ENTREP2: variants seen among roughly 807,000 people sequenced by gnomAD.
ENTREP2 encodes protein ENTREP2.
chr15:29,402,132 T>A, the ENTREP2 span, among the ~76,000 whole-genome samples: 4 of 152,138 alleles, frequency 2.6e-5, no homozygotes, highest in Non-Finnish European at 5.9e-5. Flanking sequence ...GAATTCCCAG[T>A]ATTAACCAAA....
At chr15:29,476,874 T>C in the ENTREP2 span, among the ~76,000 whole-genome samples, 1 of 152,136 alleles carries the variant, frequency 6.6e-6, no homozygotes, top group Non-Finnish European at 1.5e-5. Flanking sequence ...ACGACAACAG[T>C]TGAACACAGG....
chr15:29,124,620 A>T, the ENTREP2 span: 2 of 1,340,698 alleles, frequency 1.5e-6, no homozygotes, highest in South Asian at 2.5e-5. Context: ...GTAGCCAAGG[A>T]CCCACCAACA....
chr15:29,596,114 G>T, the ENTREP2 span, among the ~76,000 whole-genome samples: 1 of 152,162 alleles, frequency 6.6e-6, no homozygotes, highest in South Asian at 2.1e-4. Flanking sequence ...GGCCTGCTCA[G>T]TTGGCAGAAG....
the ENTREP2 span, among the ~76,000 whole-genome samples, chr15:29,518,794 C>T: frequency 6.6e-6 from 1 of 152,194 alleles, no homozygotes; most frequent in Admixed American, 6.5e-5. Context: ...TTCAGAAATT[C>T]TCCCAGAATG....
chr15:29,364,746 T>A, the ENTREP2 span, among the ~76,000 whole-genome samples: 1 of 152,158 alleles, frequency 6.6e-6, no homozygotes, highest in Non-Finnish European at 1.5e-5. Flanking sequence ...TAATTTAAAA[T>A]TTTTTTAGTT....
At chr15:29,511,727 T>C in the ENTREP2 span, among the ~76,000 whole-genome samples, 1 of 150,852 alleles carries the variant, frequency 6.6e-6, no homozygotes, top group East Asian at 1.9e-4. Context: ...TTCTGCACCA[T>C]TGGTTTCTGG....
chr15:29,509,290 C>T, the ENTREP2 span, among the ~76,000 whole-genome samples: 1,022 of 152,206 alleles, frequency 6.7e-3, 10 homozygotes, highest in African/African-American at 0.023. Flanking sequence ...CATTCATGGA[C>T]AGGGAGAATC....
chr15:29,603,931 G>A, the ENTREP2 span, among the ~76,000 whole-genome samples: 1 of 152,128 alleles, frequency 6.6e-6, no homozygotes, highest in Non-Finnish European at 1.5e-5. Context: ...GAGCCAACAT[G>A]CCTGGCCTGA....
At chr15:29,656,569 C>G in the ENTREP2 span, among the ~76,000 whole-genome samples, 2 of 152,158 alleles carry the variant, frequency 1.3e-5, no homozygotes, top group African/African-American at 4.8e-5. Context: ...CAGACAGAAA[C>G]TTGGGCCAAC....
chr15:29,398,896 A>C, the ENTREP2 span, among the ~76,000 whole-genome samples: 1 of 152,084 alleles, frequency 6.6e-6, no homozygotes, highest in Non-Finnish European at 1.5e-5. Flanking sequence ...GCTGCCTGAC[A>C]ATGGTGGATG....
chr15:29,570,314 G>A, the ENTREP2 span, among the ~76,000 whole-genome samples: 10 of 151,760 alleles, frequency 6.6e-5, no homozygotes, highest in Non-Finnish European at 8.8e-5. Context: ...GCGATGCTCC[G>A]AGAGCGGCGA....
At chr15:29,536,661 C>T in the ENTREP2 span, among the ~76,000 whole-genome samples, 2 of 150,832 alleles carry the variant, frequency 1.3e-5, no homozygotes, top group East Asian at 1.9e-4. Flanking sequence ...ATCTCAGAAT[C>T]GGAGTTTATT....
chr15:29,595,067 C>CTAAAA, the ENTREP2 span, among the ~76,000 whole-genome samples: 1 of 86,614 alleles, frequency 1.2e-5, no homozygotes, highest in Non-Finnish European at 2.1e-5. Context: ...GACTCCGTCT[C>CTAAAA]AAAAAAAAAA....
At chr15:29,573,834 A>G in the ENTREP2 span, among the ~76,000 whole-genome samples, 424 of 152,258 alleles carry the variant, frequency 2.8e-3, 5 homozygotes, top group Middle Eastern at 0.01. Flanking sequence ...GTCCAAATCA[A>G]TGGCCTCCAA....
chr15:29,588,992 A>G, the ENTREP2 span, among the ~76,000 whole-genome samples: 14 of 138,868 alleles, frequency 1.0e-4, no homozygotes, highest in African/African-American at 3.0e-4. Flanking sequence ...CTTGTCTCAG[A>G]AAAAAAAAAA....
chr15:29,348,502 G>T, the ENTREP2 span, among the ~76,000 whole-genome samples: 1 of 152,222 alleles, frequency 6.6e-6, no homozygotes, highest in Non-Finnish European at 1.5e-5. Context: ...CAGGAAGACC[G>T]GCTCGGGAGT....
At chr15:29,160,939 A>G in the ENTREP2 span, among the ~76,000 whole-genome samples, 1,394 of 152,276 alleles carry the variant, frequency 9.2e-3, 20 homozygotes, top group African/African-American at 0.031. Context: ...CACAAGCGGA[A>G]GAAATATCCA....
chr15:29,290,656 GC>G, the ENTREP2 span, among the ~76,000 whole-genome samples: 13 of 152,200 alleles, frequency 8.5e-5, no homozygotes, highest in Admixed American at 7.9e-4. Context: ...TAAAAGAATG[GC>G]CACATAAGAA....
the ENTREP2 span, among the ~76,000 whole-genome samples, chr15:29,463,003 C>T: frequency 6.6e-6 from 1 of 152,194 alleles, no homozygotes; most frequent in Non-Finnish European, 1.5e-5. Context: ...ACCTTGGACA[C>T]ACTCGGACAA....
Sources: allele counts gnomAD v4.1 joint callset (sites outside exome capture counted in the v4.1 genomes callset), GRCh38; gene constraint gnomAD v4.1.1; transcripts MANE v1.5; gene names NCBI Gene and HGNC (gene_info 2026-07-23, HGNC 2026-07-21).